ADAMTSL1: variants seen among roughly 807,000 people sequenced by gnomAD.
ADAMTSL1 encodes ADAMTS like 1.
In ADAMTSL1, 126 loss-of-function variants were observed where a neutral mutation model predicts 201.8. That is an observed-to-expected ratio of 0.62 (90% CI 0.54 to 0.72). The LOEUF (loss-of-function observed/expected upper bound fraction) is 0.72, where lower values mean the gene tolerates loss of function less well. Among genes scored for constraint, ADAMTSL1 ranks in the 30% least tolerant of loss-of-function variants. ADAMTSL1 has a pLI of 0.00. For synonymous variants in ADAMTSL1, 1,121 were observed against 903.4 expected, an observed-to-expected ratio of 1.24 and a Z score of -4.32; for missense variants, 2,679 against 2,277.8, an observed-to-expected ratio of 1.18 and a Z score of -3.59.
intron 2 of ADAMTSL1, among the ~76,000 whole-genome samples, chr9:18,428,205 A>C (rs1298323267): frequency 6.6e-6 from 1 of 152,204 alleles, no homozygotes; most frequent in Non-Finnish European, 1.5e-5. Context: ...TAAAGAGGAA[A>C]CAGAATATTT....
At chr9:18,437,503 C>G (rs1029468377) in intron 2 of ADAMTSL1, among the ~76,000 whole-genome samples, 2 of 152,110 alleles carry the variant, frequency 1.3e-5, no homozygotes, top group Non-Finnish European at 2.9e-5. Flanking sequence ...AGGGCCAAGT[C>G]TGAACTCCTT....
intron 2 of ADAMTSL1, among the ~76,000 whole-genome samples, chr9:18,373,639 A>G (rs1165327669): frequency 6.6e-6 from 1 of 152,078 alleles, no homozygotes; most frequent in African/African-American, 2.4e-5. Context: ...TTGGAGATCT[A>G]CACTTGACAC....
At chr9:18,158,090 C>T (rs1827233065) in intron 1 of ADAMTSL1, among the ~76,000 whole-genome samples, 1 of 151,968 alleles carries the variant, frequency 6.6e-6, no homozygotes, top group Non-Finnish European at 1.5e-5. Flanking sequence ...GTGACAATGT[C>T]CTCCTGCTCT....
intron 3 of ADAMTSL1, among the ~76,000 whole-genome samples, chr9:18,572,089 G>C (rs1341841721): frequency 6.6e-6 from 1 of 151,872 alleles, no homozygotes; most frequent in East Asian, 1.9e-4. Context: ...CAACTGCTCA[G>C]AAGGCTGAGG....
At chr9:18,783,079 G>A (rs1821492441) in intron 19 of ADAMTSL1, among the ~76,000 whole-genome samples, 1 of 152,220 alleles carries the variant, frequency 6.6e-6, no homozygotes, top group Admixed American at 6.5e-5. Flanking sequence ...GGATTGTAGA[G>A]GCACATGATT....
At chr9:17,931,330 A>G (rs1478922803) in intron 1 of ADAMTSL1, among the ~76,000 whole-genome samples, 1 of 151,488 alleles carries the variant, frequency 6.6e-6, no homozygotes, top group Non-Finnish European at 1.5e-5. Flanking sequence ...GAAAGAATTC[A>G]GTCTGGTGGG....
At chr9:18,620,000 G>C (rs1288642485) in intron 4 of ADAMTSL1, among the ~76,000 whole-genome samples, 1 of 147,396 alleles carries the variant, frequency 6.8e-6, no homozygotes, top group African/African-American at 2.5e-5. Context: ...AGGCAATTAG[G>C]TTATCAGTTT....
At chr9:18,417,170 C>A in intron 2 of ADAMTSL1, among the ~76,000 whole-genome samples, 1 of 151,574 alleles carries the variant, frequency 6.6e-6, no homozygotes, top group African/African-American at 2.4e-5. Context: ...GCTAAGTAAG[C>A]CATGTACCAA....
At chr9:17,918,835 G>A (rs1021892825) in intron 1 of ADAMTSL1, among the ~76,000 whole-genome samples, 1 of 151,692 alleles carries the variant, frequency 6.6e-6, no homozygotes, top group African/African-American at 2.4e-5. Flanking sequence ...AATAGTTTTT[G>A]CTTTATTTTA....
At chr9:17,961,491 T>C (rs989604816) in intron 1 of ADAMTSL1, among the ~76,000 whole-genome samples, 9 of 152,174 alleles carry the variant, frequency 5.9e-5, no homozygotes, top group Non-Finnish European at 1.0e-4. Context: ...CCTCAGGTGA[T>C]CTGCCTGCCT....
chr9:18,305,248 G>C (rs577166454), intron 2 of ADAMTSL1, among the ~76,000 whole-genome samples: 2 of 152,326 alleles, frequency 1.3e-5, no homozygotes, highest in South Asian at 4.1e-4. Context: ...ACGCCACCAG[G>C]GTCCTGGGTT....
At chr9:18,234,957 A>G (rs1473617440) in intron 2 of ADAMTSL1, among the ~76,000 whole-genome samples, 1 of 152,204 alleles carries the variant, frequency 6.6e-6, no homozygotes, top group East Asian at 1.9e-4. Flanking sequence ...TAGTTTCCAT[A>G]TACCTCACAC....
At chr9:18,213,472 C>G (rs779846536) in intron 2 of ADAMTSL1, among the ~76,000 whole-genome samples, 1 of 152,166 alleles carries the variant, frequency 6.6e-6, no homozygotes, top group Non-Finnish European at 1.5e-5. Flanking sequence ...AGAAGCTAAA[C>G]TTTTGCCTTT....
chr9:18,516,489 G>A (rs1223487337), intron 2 of ADAMTSL1, among the ~76,000 whole-genome samples: 3 of 152,368 alleles, frequency 2.0e-5, no homozygotes, highest in Admixed American at 1.3e-4. Flanking sequence ...CCCTGGTCCA[G>A]ATAAAGACCC....
intron 1 of ADAMTSL1, among the ~76,000 whole-genome samples, chr9:17,967,843 C>G (rs1818040902): frequency 6.6e-6 from 1 of 151,988 alleles, no homozygotes; most frequent in African/African-American, 2.4e-5. Context: ...AGTTTTCCTC[C>G]TTTTGTCCAA....
At chr9:18,881,893 C>T (rs1828558048) in intron 23 of ADAMTSL1, among the ~76,000 whole-genome samples, 1 of 152,196 alleles carries the variant, frequency 6.6e-6, no homozygotes, top group African/African-American at 2.4e-5. Flanking sequence ...CTATTCTCAT[C>T]TGCACGAGGA....
chr9:18,366,624 C>T lies in ADAMTSL1; in HGVS notation c.208-138205C>T, dbSNP rs1402536648. ...TAAATGGATAGTGCCTCTGAAATCA[C>T]TAATTTTTTTTTTTTTTTTTTTTTT... is the stretch of plus-strand genomic sequence containing the variant. On this transcript the variant is annotated intron_variant, in intron 2 of 29. Coordinates refer to the ADAMTSL1 transcript ENST00000680146. 4.7e-5 allele frequency among the ~76,000 whole-genome samples: 6 copies of T among 127,212 alleles called. No homozygotes were observed. The Admixed American group carries it at 5.0e-4, about 11-fold the overall frequency. The allele number at this position is 127,212 out of a possible 152,430, so 83.5% of individuals were successfully genotyped here.
At chr9:18,711,324 A>G (rs1832575733) in intron 14 of ADAMTSL1, among the ~76,000 whole-genome samples, 1 of 152,112 alleles carries the variant, frequency 6.6e-6, no homozygotes, top group African/African-American at 2.4e-5. Context: ...CTGCATTTCC[A>G]TCTGAGGTAC....
intron 11 of ADAMTSL1, chr9:18,681,452 A>G (rs1830463386): frequency 6.4e-6 from 1 of 155,456 alleles, no homozygotes; most frequent in Non-Finnish European, 1.4e-5. Flanking sequence ...CAAAGTAACT[A>G]AATAAAATAC....
Sources: gnomAD v4.1 joint callset for allele counts (sites outside exome capture counted in the v4.1 genomes callset) on GRCh38, gnomAD v4.1.1 for gene constraint, MANE v1.5 for transcripts, NCBI Gene and HGNC (gene_info 2026-07-23, HGNC 2026-07-21) for gene names.